The following LRRFIP1 variants were observed in gnomAD, a reference collection of about 807,000 sequenced individuals.
The protein encoded by LRRFIP1 is LRR binding FLII interacting protein 1.
LRRFIP1 carries 62 observed loss-of-function variants against 104.4 expected under a neutral mutation model. The ratio of observed to expected loss-of-function variants is 0.59; its 90% CI spans 0.48 to 0.73. The LOEUF is 0.73. Among genes scored for constraint, LRRFIP1 ranks in the 30% least tolerant of loss-of-function variants. The pLI is 0.00. For synonymous variants in LRRFIP1, 300 were observed against 299.0 expected (o/e 1.00, Z -0.03); for missense variants, 796 against 824.5 (o/e 0.97, Z 0.42).
At chr2:237,746,834 G>A (rs1056883634) in intron 11 of LRRFIP1, among the ~76,000 whole-genome samples, 2 of 152,184 alleles carry the variant, frequency 1.3e-5, no homozygotes, top group Non-Finnish European at 1.5e-5. Flanking sequence ...CCTCAGGTGG[G>A]TCCTTAGCAG....
At chr2:237,632,816 A>G (rs2082579971) in intron 1 of LRRFIP1, among the ~76,000 whole-genome samples, 2 of 152,248 alleles carry the variant, frequency 1.3e-5, no homozygotes, top group East Asian at 1.9e-4. Flanking sequence ...AAAGATGCAA[A>G]TCTGGGTCCC....
chr2:237,769,662 A>G (rs769849637), intron 19 of LRRFIP1: 11 of 392,264 alleles, frequency 2.8e-5, no homozygotes, highest in Non-Finnish European at 4.7e-5. Context: ...GTTTGGCCCT[A>G]GCGTTCTTGC....
At chr2:237,756,987 C>G (rs2059340261) in intron 16 of LRRFIP1, among the ~76,000 whole-genome samples, 1 of 151,552 alleles carries the variant, frequency 6.6e-6, no homozygotes, top group Non-Finnish European at 1.5e-5. Flanking sequence ...GGCCATGAGC[C>G]AAGGAAAGCA....
chr2:237,673,967 C>T (rs1010239038), intron 1 of LRRFIP1, among the ~76,000 whole-genome samples: 1 of 152,188 alleles, frequency 6.6e-6, no homozygotes, highest in Non-Finnish European at 1.5e-5. Context: ...CTCACAACAA[C>T]CACCCCTATG....
At chr2:237,635,314 T>G (rs992309289) in intron 1 of LRRFIP1, among the ~76,000 whole-genome samples, 71 of 152,206 alleles carry the variant, frequency 4.7e-4, no homozygotes, top group Admixed American at 2.3e-3. Flanking sequence ...TTGGAAAAAG[T>G]AATATACAGA....
rs1444981948 is a variant in LRRFIP1 at position 237,751,206 on chromosome 2, A to G, written c.802A>G (p.Asn268Asp). 4 of 1,606,918 alleles carry G rather than the reference A, an allele frequency of 2.5e-6. No homozygotes were observed. Among genetic ancestry groups the G allele is most frequent in the East Asian group, 4.5e-5 (2 of 44,828 alleles). The part of the protein sequence containing the change: ...EASIREIKEL[N>D]ELKDQIQDVE... ...TTTTTGCCATTTCCCCCAGGAACTC[A>G]ATGAGTTAAAGGACCAGATTCAGGA... Residue 268 changes from asparagine (N) to aspartate (D), a missense_variant, in exon 14 of 24, where the codon AAT (asparagine) becomes GAT (aspartate). Transcript: ENST00000308482.
intron 1 of LRRFIP1, among the ~76,000 whole-genome samples, chr2:237,650,922 C>T (rs1575147724): frequency 1.3e-5 from 2 of 152,234 alleles, no homozygotes; most frequent in East Asian, 3.9e-4. Context: ...ACCTGGTTGC[C>T]TCTGCTGGGC....
chr2:237,765,201 T>G (rs2150886414), intron 19 of LRRFIP1: 1 of 161,738 alleles, frequency 6.2e-6, no homozygotes, highest in East Asian at 1.9e-4. Context: ...AGGCAGAGAT[T>G]GCAGTGAGCC....
At chr2:237,648,260 A>G (rs2085301990) in intron 1 of LRRFIP1, among the ~76,000 whole-genome samples, 1 of 151,944 alleles carries the variant, frequency 6.6e-6, no homozygotes, top group African/African-American at 2.4e-5. Context: ...AGGACGCAGG[A>G]GTCTAGAAAT....
intron 11 of LRRFIP1, among the ~76,000 whole-genome samples, chr2:237,740,991 C>G (rs1163044638): frequency 6.6e-6 from 1 of 152,228 alleles, no homozygotes; most frequent in African/African-American, 2.4e-5. Flanking sequence ...ACTCTCCCCT[C>G]TGTATAAGTT....
At chr2:237,666,787 C>CTT (rs2089387126) in intron 1 of LRRFIP1, among the ~76,000 whole-genome samples, 1 of 52,360 alleles carries the variant, frequency 1.9e-5, no homozygotes, top group Non-Finnish European at 4.4e-5. Flanking sequence ...CTGTCTCTTT[C>CTT]TTTCTCTTTC....
chr2:237,676,151 A>C (rs1237167673), intron 1 of LRRFIP1, among the ~76,000 whole-genome samples: 8 of 152,230 alleles, frequency 5.3e-5, no homozygotes, highest in African/African-American at 1.7e-4. Flanking sequence ...CTGAAGGTGG[A>C]GTGGGCATTG....
intron 1 of LRRFIP1, among the ~76,000 whole-genome samples, chr2:237,640,661 GA>G (rs1279498684): frequency 6.6e-6 from 1 of 152,136 alleles, no homozygotes; most frequent in Non-Finnish European, 1.5e-5. Flanking sequence ...GCACATTGCC[GA>G]ACTTCTTAAA....
chr2:237,675,863 C>T (rs1434123473), intron 1 of LRRFIP1, among the ~76,000 whole-genome samples: 14 of 152,206 alleles, frequency 9.2e-5, no homozygotes, highest in Admixed American at 9.2e-4. Flanking sequence ...TCCAATTCTA[C>T]TTCATACTTG....
Position 237,687,403 on chromosome 2 carries a change from G to C in LRRFIP1, c.97-21141G>C, listed in dbSNP as rs182678428. On this transcript the variant is annotated intron_variant, in intron 1 of 23. Coordinates refer to ENST00000308482, the MANE Select transcript of LRRFIP1 (RefSeq NM_001137550.2). ...GTGGTTCACTTGAGGTCAGGAGTTC[G>C]AGACCAGCCTGGCCAACATGGTGAA... 4.4e-3 allele frequency among the ~76,000 whole-genome samples: 673 copies of C among 152,022 alleles called. 3 individuals carry two copies. The highest frequency in any genetic ancestry group is 6.2e-3 in the Non-Finnish European group (419 of 67,972).
At chr2:237,673,327 T>G (rs1187408056) in intron 1 of LRRFIP1, among the ~76,000 whole-genome samples, 2 of 152,192 alleles carry the variant, frequency 1.3e-5, no homozygotes, top group Non-Finnish European at 2.9e-5. Flanking sequence ...TGCCAGGGCC[T>G]CGCCAGGAAG....
chr2:237,646,820 G>A (rs945631821), intron 1 of LRRFIP1, among the ~76,000 whole-genome samples: 2 of 151,978 alleles, frequency 1.3e-5, no homozygotes, highest in African/African-American at 4.8e-5. Flanking sequence ...AAAGCTCTGA[G>A]AAGATACATT....
chr2:237,702,074 G>A (rs1575610532), intron 1 of LRRFIP1, among the ~76,000 whole-genome samples: 1 of 152,164 alleles, frequency 6.6e-6, no homozygotes, highest in Non-Finnish European at 1.5e-5. Context: ...TGGCATTAAT[G>A]TGGCTGGGAG....
At position 237,717,302 on chromosome 2, in the gene LRRFIP1, C is replaced by T. The variant is rs10200164; in HGVS notation, c.202-460C>T. On this transcript the variant is annotated intron_variant, in intron 3 of 23. Transcript: ENST00000308482. This position sits in a 1 kb window ranked among gnomAD's most constrained non-coding sequence, Gnocchi z 4.2. ...CAGGCAGCTAGAACAAGCGTCAGCA[C>T]GCAGTTTCTCCCCTTCTCCTCTCAG... Among the ~76,000 whole-genome samples the T allele has an allele frequency of 0.035, 5,396 of 152,340 alleles. 307 individuals are homozygous for T. The highest frequency in any genetic ancestry group is 0.12 in the African/African-American group (5,051 of 41,560).
Sources: gnomAD v4.1 joint callset for allele counts (sites outside exome capture counted in the v4.1 genomes callset) on GRCh38, gnomAD v4.1.1 for gene constraint, Gnocchi (gnomAD v3.1) non-coding constraint, MANE v1.5 for transcripts, NCBI Gene and HGNC (gene_info 2026-07-23, HGNC 2026-07-21) for gene names.